TMEM63B: variants seen among roughly 807,000 people sequenced by gnomAD.
TMEM63B encodes transmembrane protein 63B.
In TMEM63B, 23 loss-of-function variants were observed where a neutral mutation model predicts 102.6. That is an observed-to-expected ratio of 0.22 (90% CI 0.16 to 0.32). The LOEUF is 0.32. Ranked by LOEUF, TMEM63B falls within the 10% of genes least tolerant of loss-of-function variation. TMEM63B has a pLI of 1.00. For synonymous variants in TMEM63B, 444 were observed against 437.0 expected (o/e 1.02, Z -0.20); for missense variants, 628 against 1,095.9 (o/e 0.57, Z 6.03).
At chr6:44,135,955 C>T (rs1670433035) in intron 4 of TMEM63B, among the ~76,000 whole-genome samples, 1 of 152,110 alleles carries the variant, frequency 6.6e-6, no homozygotes, top group Non-Finnish European at 1.5e-5. Context: ...CCAGGTTCTC[C>T]TGGTCCATCC....
intron 10 of TMEM63B, among the ~76,000 whole-genome samples, chr6:44,145,058 C>T (rs1056908628): frequency 1.3e-5 from 2 of 152,018 alleles, no homozygotes; most frequent in African/African-American, 2.4e-5. Flanking sequence ...GGGTGAATCA[C>T]AAGGTCAGGA....
chr6:44,130,508 G>C (rs994247519), intron 1 of TMEM63B, among the ~76,000 whole-genome samples: 25 of 146,680 alleles, frequency 1.7e-4, no homozygotes, highest in African/African-American at 5.8e-4. Flanking sequence ...GCATGATCTT[G>C]GTTCACTGCA....
In TMEM63B at chr6:44,138,622, C is replaced by T. The variant is rs1157084226; in HGVS notation, c.407+105C>T. On this transcript the variant is annotated intron_variant, in intron 6 of 23. Coordinates refer to ENST00000323267, the MANE Select transcript of TMEM63B (RefSeq NM_018426.3). ...CAGCTTTCAGGGCCTTAGCACTCCT[C>T]GCCAGCACAGCACCCTCCTCCCTGC... The T allele has an allele frequency of 5.8e-5, 79 of 1,359,416 alleles. 1 individual carries two copies. Among genetic ancestry groups the T allele is most frequent in the Middle Eastern group, 1.8e-4 (1 of 5,606 alleles). 84.2% of individuals were successfully genotyped at this position (1,359,416 alleles called of 1,614,324 possible).
chr6:44,135,045 G>T lies in TMEM63B; in HGVS notation c.188G>T (p.Arg63Leu). The change falls in exon 3 of 24, where the codon CGG becomes CTG. Residue 63 changes from arginine to leucine, a missense_variant. Arg to Leu is a moderately radical substitution (Grantham distance 102). This residue lies in a region of TMEM63B where 336 missense variants were observed against 580.3 expected (regional missense o/e 0.58). Coordinates refer to ENST00000323267, the MANE Select transcript of TMEM63B (RefSeq NM_018426.3). ...LALLFLFSIL[R>L]KVAWDYGRLA... ...CTGCTGTTCTTATTCTCTATCCTCC[G>T]GAAGGTGGCCTGGGACTATGGGCGG... The T allele has an allele frequency of 6.2e-7, 1 of 1,614,230 alleles. No individual in the cohort carries two copies. Among genetic ancestry groups the T allele is most frequent in the Non-Finnish European group, 8.5e-7 (1 of 1,180,042 alleles).
At chr6:44,153,058 C>T (rs1334091234) in intron 20 of TMEM63B, among the ~76,000 whole-genome samples, 2 of 152,258 alleles carry the variant, frequency 1.3e-5, no homozygotes, top group Admixed American at 6.5e-5. Context: ...CACACTTTTA[C>T]ACCACCCTGT....
intron 1 of TMEM63B, among the ~76,000 whole-genome samples, chr6:44,128,268 G>A (rs2128211656): frequency 6.6e-6 from 1 of 152,242 alleles, no homozygotes; most frequent in South Asian, 2.1e-4. Context: ...CTGACTGGTC[G>A]GCGGGCTGGA....
At chr6:44,136,322 C>G (rs1333728460) in intron 4 of TMEM63B, 27 bp from the exon 5 acceptor site, 1 of 1,608,278 alleles carries the variant, frequency 6.2e-7, no homozygotes, top group East Asian at 2.2e-5. Context: ...ACCAGGCTCT[C>G]TGATCTCTCA....
chr6:44,134,955 C>T lies in TMEM63B; in HGVS notation c.160-62C>T, dbSNP rs1420877697. The T allele has an allele frequency of 3.8e-6, 6 of 1,591,392 alleles. No homozygotes were observed. The African/African-American group carries it at 6.7e-5, about 18-fold the overall frequency. On this transcript the variant is annotated intron_variant, in intron 2 of 23. Coordinates refer to ENST00000323267, the MANE Select transcript of TMEM63B (RefSeq NM_018426.3). Reference sequence around the variant, plus strand: ...AAGATTTTGGACCCTCTGCTTCTGCCCCCTAGTCCAGCAGGTGGACAGACA... The same window carrying T: ...AAGATTTTGGACCCTCTGCTTCTGCTCCCTAGTCCAGCAGGTGGACAGACA...
At chr6:44,146,449 G>GTTTTTTTTTTTTTTTTTT (rs1241550126) in intron 10 of TMEM63B, among the ~76,000 whole-genome samples, 2 of 150,100 alleles carry the variant, frequency 1.3e-5, no homozygotes, top group Non-Finnish European at 3.0e-5. Context: ...GGAGATGTGG[G>GTTTTTTTTTTTTTTTTTT]TTTTTTTGTC....
chr6:44,152,619 C>T lies in TMEM63B; in HGVS notation c.1863C>T (p.Gly621=), dbSNP rs145799677. The change falls in exon 20 of 24, where the codon GGC becomes GGT. Residue 621 remains glycine (G), a synonymous_variant. Coordinates refer to ENST00000323267, the MANE Select transcript of TMEM63B (RefSeq NM_018426.3). This position sits in a 1 kb window ranked among gnomAD's most constrained non-coding sequence, Gnocchi z 6.4. The part of the protein sequence containing the change: ...KRHQAYEFQF[G]AAYAWMMCVF... ...ATCAGGCCTACGAGTTCCAGTTTGG[C>T]GCAGCCTACGCCTGGATGATGTGCG... The T allele has an allele frequency of 1.1e-5, 17 of 1,608,690 alleles. No homozygotes were observed. The highest frequency in any genetic ancestry group is 2.2e-5 in the East Asian group (1 of 44,886).
At chr6:44,139,365 T>C in intron 6 of TMEM63B, 102 bp from the exon 7 acceptor site, 1 of 1,428,064 alleles carries the variant, frequency 7.0e-7, no homozygotes, top group Non-Finnish European at 9.7e-7. Context: ...CAGCTGGAGC[T>C]AGGGTGGGTT....
chr6:44,153,939 G>T lies in TMEM63B; in HGVS notation c.2110+96G>T, dbSNP rs532432628. 1.4e-3 allele frequency: 2,228 copies of T among 1,569,538 alleles called. 3 individuals carry two copies. Among genetic ancestry groups the T allele is most frequent in the Middle Eastern group, 3.4e-3 (20 of 5,828 alleles). ...GAAGCCGCATGGCTGGGGGTGGCAG[G>T]CAAGGGGCCTGGGAGAGGCTGGGGC... On this transcript the variant is annotated intron_variant, in intron 21 of 23. Transcript: ENST00000323267.
chr6:44,127,442 G>A (rs1020471799), upstream of TMEM63B: 2 of 151,904 alleles, frequency 1.3e-5, no homozygotes, highest in Non-Finnish European at 2.9e-5. Flanking sequence ...GCCAGGCCCA[G>A]CCCGGCGGAC....
At chr6:44,126,782 C>T (rs1777119265), upstream of TMEM63B, 1 of 152,306 alleles carries the variant, frequency 6.6e-6, no homozygotes, top group South Asian at 2.1e-4. Flanking sequence ...CTCAGTCTCT[C>T]CCTTCATCTT....
At chr6:44,151,330 G>A (rs539726673) in intron 18 of TMEM63B, among the ~76,000 whole-genome samples, 39 of 152,264 alleles carry the variant, frequency 2.6e-4, no homozygotes, top group African/African-American at 9.4e-4. Flanking sequence ...TTTGCTGTAG[G>A]CCATCTGTGG....
At chr6:44,132,223 A>G in intron 1 of TMEM63B, 1 of 976,640 alleles carries the variant, frequency 1.0e-6, no homozygotes, top group Non-Finnish European at 1.2e-6. Context: ...GCAGGTGGGA[A>G]GATTAATGCT....
At chr6:44,134,772 G>T in intron 2 of TMEM63B, 29 bp downstream of exon 2, 1 of 1,605,576 alleles carries the variant, frequency 6.2e-7, no homozygotes, top group South Asian at 1.1e-5. Context: ...CCCTTACCTT[G>T]GCATCCATGC....
chr6:44,141,975 A>AG, intron 10 of TMEM63B, among the ~76,000 whole-genome samples: 1 of 151,896 alleles, frequency 6.6e-6, no homozygotes, highest in South Asian at 2.1e-4. Flanking sequence ...ATACAAACTT[A>AG]GCCAGGTGTG....
chr6:44,142,561 G>A (rs1381888856), intron 10 of TMEM63B, among the ~76,000 whole-genome samples: 3 of 152,124 alleles, frequency 2.0e-5, no homozygotes, highest in Non-Finnish European at 4.4e-5. Context: ...AGTTCTCAGG[G>A]GGTTCATAGT....
Sources: allele counts gnomAD v4.1 joint callset (sites outside exome capture counted in the v4.1 genomes callset), GRCh38; gene constraint gnomAD v4.1.1; regional missense constraint gnomAD v4.1.1; non-coding constraint Gnocchi (gnomAD v3.1); transcripts MANE v1.5; gene names NCBI Gene and HGNC (gene_info 2026-07-23, HGNC 2026-07-21).